GET1: variants seen among roughly 807,000 people sequenced by gnomAD.
GET1 encodes guided entry of tail-anchored proteins factor 1, also known as congenital heart disease 5 protein.
A neutral mutation model predicts 22.6 loss-of-function variants in GET1; 20 were observed. The ratio of observed to expected loss-of-function variants is 0.89; its 90% CI spans 0.62 to 1.29. The LOEUF (loss-of-function observed/expected upper bound fraction) is 1.29, where lower values mean the gene tolerates loss of function less well. Among genes scored for constraint, GET1 ranks in the 50% most tolerant of loss-of-function variants. The pLI is 0.00. For synonymous variants in GET1, 92 were observed against 83.8 expected, an observed-to-expected ratio of 1.10 and a Z score of -0.53; for missense variants, 209 against 219.9, an observed-to-expected ratio of 0.95 and a Z score of 0.31.
intron 4 of GET1, among the ~76,000 whole-genome samples, chr21:39,403,722 A>G (rs553737557): frequency 1.3e-5 from 2 of 150,774 alleles, no homozygotes; most frequent in African/African-American, 4.9e-5. Context: ...CCCAGGTTCA[A>G]GCAATTCTCC....
rs561748949 is a variant in GET1, at chr21:39,384,247, GTTATTA to G, written c.102+3779_102+3784del. ...TTGTTGTTGAGTTCCTTTTGTTGTT[GTTATTA>G]TTATTATTATTATTATTTTTTGAGA... On this transcript the variant is annotated intron_variant, in intron 1 of 4. Coordinates refer to ENST00000649170, the MANE Select transcript of GET1 (RefSeq NM_004627.6). Among the ~76,000 whole-genome samples the G allele has an allele frequency of 3.2e-4, 49 of 151,086 alleles. 1 individual carries two copies. In the South Asian group the frequency reaches 7.3e-3, roughly 23 times the overall value.
chr21:39,418,768 G>C (rs1458129979), intron 1 of GET1, among the ~76,000 whole-genome samples: 1 of 152,134 alleles, frequency 6.6e-6, no homozygotes, highest in Middle Eastern at 3.2e-3. Context: ...CCAAAGTGCT[G>C]GGATTACAGG....
chr21:39,391,565 T>A, intron 2 of GET1: 1 of 522,550 alleles, frequency 1.9e-6, no homozygotes, highest in Non-Finnish European at 3.3e-6. Context: ...AATCTCAATC[T>A]GAGTCGGATA....
At chr21:39,388,998 G>A (rs1255697911) in intron 1 of GET1, among the ~76,000 whole-genome samples, 1 of 152,150 alleles carries the variant, frequency 6.6e-6, no homozygotes, top group Non-Finnish European at 1.5e-5. Context: ...GGAAACCACA[G>A]ATCTCCAATT....
intron 1 of GET1, among the ~76,000 whole-genome samples, chr21:39,381,352 G>C (rs2037545821): frequency 6.6e-6 from 1 of 152,158 alleles, no homozygotes; most frequent in Non-Finnish European, 1.5e-5. Context: ...GGGCGCATTC[G>C]TTTCAGCGTT....
intron 1 of GET1, among the ~76,000 whole-genome samples, chr21:39,385,739 A>C (rs2037843571): frequency 6.6e-6 from 1 of 151,710 alleles, no homozygotes; most frequent in Non-Finnish European, 1.5e-5. Context: ...TGCAAACTGC[A>C]TGCACTGCGC....
chr21:39,389,599 C>T (rs1407219007), intron 1 of GET1, among the ~76,000 whole-genome samples: 3 of 152,200 alleles, frequency 2.0e-5, no homozygotes, highest in Non-Finnish European at 2.9e-5. Context: ...CACCTGGGCT[C>T]CGACCCTGGC....
At chr21:39,419,342 C>G (rs1441605199) in intron 1 of GET1, among the ~76,000 whole-genome samples, 1 of 151,854 alleles carries the variant, frequency 6.6e-6, no homozygotes, top group Non-Finnish European at 1.5e-5. Flanking sequence ...CTGGGCAACA[C>G]AGCGAGACCC....
rs5843962 is a variant in GET1 at position 39,396,685 on chromosome 21, C to CA, written c.452-162dup. On this transcript the variant is annotated intron_variant, in intron 4 of 4. Transcript: ENST00000649170. ...TGGGGGACAGAGCGAGACTCCGTCTCAAAAAAAAAAAAAAAAAAAGAAAGT... is the reference window on the plus strand; with the variant it reads ...TGGGGGACAGAGCGAGACTCCGTCTCAAAAAAAAAAAAAAAAAAAAGAAAGT... Among the ~76,000 whole-genome samples, 246 of 97,778 alleles carry CA rather than the reference C, an allele frequency of 2.5e-3. 5 individuals carry two copies. Among genetic ancestry groups the CA allele is most frequent in the African/African-American group, 6.0e-3 (155 of 25,918 alleles). The allele number at this position is 97,778 out of a possible 152,430, so 64.1% of individuals were successfully genotyped here.
Position 39,396,866 on chromosome 21 carries a change from G to A in GET1, c.452G>A (p.Gly151Asp). ...TCATGGTGAATGTCTTTGTTTTCAG[G>A]TGGTGTTGGAATTACCTGTTGGATT... is the stretch of plus-strand genomic sequence containing the variant. ...RLVAFPTRVA[G>D]GVGITCWILV... The change falls in exon 5 of 5, where the codon GGT (glycine) becomes GAT (aspartate). Residue 151 changes from glycine to aspartate, a missense_variant and splice_region_variant. Physicochemically the swap from Gly to Asp is moderately conservative, Grantham distance 94 (BLOSUM62 -1). Transcript: ENST00000649170. 1 of 1,613,918 alleles carries A rather than the reference G, an allele frequency of 6.2e-7. No homozygotes were observed. Among genetic ancestry groups the A allele is most frequent in the Non-Finnish European group, 8.5e-7 (1 of 1,179,988 alleles).
intron 2 of GET1, chr21:39,391,410 T>C (rs1258163248): frequency 3.5e-6 from 1 of 283,088 alleles, no homozygotes; most frequent in African/African-American, 2.3e-5. Context: ...CAGGACAAGC[T>C]GGACTCCCAC....
At chr21:39,390,614 C>A in intron 1 of GET1, 84 bp from the exon 2 acceptor site, 1 of 1,539,928 alleles carries the variant, frequency 6.5e-7, no homozygotes, top group South Asian at 1.2e-5. Flanking sequence ...GTGGTCAGGG[C>A]ATAGACAGAA....
At chr21:39,409,961 T>G, downstream of GET1, 1 of 1,315,500 alleles carries the variant, frequency 7.6e-7, no homozygotes, top group Non-Finnish European at 1.1e-6. This position sits in a 1 kb window ranked among gnomAD's most constrained non-coding sequence, Gnocchi z 4.2. Context: ...AAGATAGACT[T>G]TAAAGAGTTA....
rs57943785 is a variant in GET1 at position 39,418,354 on chromosome 21, T to C, written c.*23+7417T>C. On this transcript the variant is annotated intron_variant, in intron 1 of 1. Transcript: ENST00000478273. ...GATTCTTCATTGCTGTTTACAGATA[T>C]ATAGATATCCATTGTGTGGAGGTAC... 4.2e-3 allele frequency among the ~76,000 whole-genome samples: 634 copies of C among 152,308 alleles called. 6 individuals are homozygous for C. Among genetic ancestry groups the C allele is most frequent in the African/African-American group, 0.015 (614 of 41,570 alleles).
downstream of GET1, among the ~76,000 whole-genome samples, chr21:39,399,916 T>A (rs1201767516): frequency 1.3e-5 from 2 of 151,908 alleles, no homozygotes; most frequent in Admixed American, 1.3e-4. Flanking sequence ...TTTTAATTTT[T>A]TTTTTTTTTT....
intron 2 of GET1, 184 bp downstream of exon 2, chr21:39,391,047 C>G (rs569609671): frequency 3.5e-6 from 2 of 565,144 alleles, no homozygotes; most frequent in Non-Finnish European, 5.8e-6. Context: ...TGAACCTTTG[C>G]TTTCTAAGCA....
At chr21:39,406,209 T>C in exon 5 of GET1, 1 of 1,614,242 alleles carries the variant, frequency 6.2e-7, no homozygotes. Flanking sequence ...CCATTTCCTC[T>C]CTGTTACTGA....
chr21:39,392,569 A>AGCG (rs1289824537), intron 3 of GET1, among the ~76,000 whole-genome samples: 11 of 152,172 alleles, frequency 7.2e-5, no homozygotes, highest in African/African-American at 2.7e-4. Context: ...GTCTCTTCTG[A>AGCG]GCGGCCTGTT....
At chr21:39,407,264 G>T (rs1233680710), downstream of GET1, among the ~76,000 whole-genome samples, 2 of 152,118 alleles carry the variant, frequency 1.3e-5, no homozygotes, top group Non-Finnish European at 2.9e-5. Context: ...GAACAGAACA[G>T]AACAGAACAG....
Sources: allele counts gnomAD v4.1 joint callset (sites outside exome capture counted in the v4.1 genomes callset), GRCh38; gene constraint gnomAD v4.1.1; non-coding constraint Gnocchi (gnomAD v3.1); transcripts MANE v1.5; gene names NCBI Gene and HGNC (gene_info 2026-07-23, HGNC 2026-07-21).